Variants in DRC9 observed in about 807,000 individuals in gnomAD.
DRC9 encodes the protein dynein regulatory complex protein 9.
the DRC9 span, among the ~76,000 whole-genome samples, chr3:197,900,742 T>C: frequency 2.4e-4 from 37 of 151,402 alleles, no homozygotes; most frequent in Middle Eastern, 3.4e-3. The surrounding 1 kb of genome is among the most constrained non-coding windows in gnomAD (Gnocchi z 4.7). Flanking sequence ...GGGCAGAGGA[T>C]ACCAGCTCAG....
At chr3:197,925,917 C>T in the DRC9 span, 1 of 746,954 alleles carries the variant, frequency 1.3e-6, no homozygotes, top group Non-Finnish European at 2.4e-6. Flanking sequence ...CCGGAGGAAA[C>T]AACAATCTTT....
At chr3:197,944,525 T>C in the DRC9 span, among the ~76,000 whole-genome samples, 1 of 152,004 alleles carries the variant, frequency 6.6e-6, no homozygotes, top group South Asian at 2.1e-4. Flanking sequence ...CTTGGCTCAC[T>C]GCAAGCTCTG....
chr3:197,948,754 C>T, the DRC9 span, among the ~76,000 whole-genome samples: 1 of 152,214 alleles, frequency 6.6e-6, no homozygotes, highest in East Asian at 1.9e-4. Flanking sequence ...ACATCTATTT[C>T]ATACAACTTC....
the DRC9 span, among the ~76,000 whole-genome samples, chr3:197,940,587 G>A: frequency 2.6e-4 from 39 of 151,994 alleles, no homozygotes; most frequent in African/African-American, 9.2e-4. Context: ...TCCTCTCAAC[G>A]TTGTTAAAAG....
At chr3:197,954,976 A>G in the DRC9 span, among the ~76,000 whole-genome samples, 1 of 152,228 alleles carries the variant, frequency 6.6e-6, no homozygotes. Context: ...TGAAGAAAAC[A>G]GACTCTCATG....
At chr3:197,937,898 C>T in the DRC9 span, among the ~76,000 whole-genome samples, 1 of 152,216 alleles carries the variant, frequency 6.6e-6, no homozygotes, top group East Asian at 1.9e-4. Context: ...GTCAATAGCA[C>T]TGGCTTCCAG....
At chr3:197,935,272 C>G in the DRC9 span, among the ~76,000 whole-genome samples, 2 of 151,952 alleles carry the variant, frequency 1.3e-5, no homozygotes, top group South Asian at 4.1e-4. Flanking sequence ...GAAACCCTGT[C>G]TCTACTAAAA....
the DRC9 span, chr3:197,944,129 C>T: frequency 1.7e-5 from 21 of 1,258,828 alleles, no homozygotes; most frequent in Middle Eastern, 2.5e-4. Context: ...CAGGCAGCAA[C>T]GTGCTGGGCT....
chr3:197,913,618 TAAG>T, the DRC9 span: 1 of 582,054 alleles, frequency 1.7e-6, no homozygotes, highest in South Asian at 2.1e-5. Context: ...TTTGCCAAAA[TAAG>T]AAGTGACCAA....
At chr3:197,949,369 C>A in the DRC9 span, 1 of 152,236 alleles carries the variant, frequency 6.6e-6, no homozygotes, top group African/African-American at 2.4e-5. Context: ...TACGGAGGAC[C>A]TACTAGGTGC....
the DRC9 span, among the ~76,000 whole-genome samples, chr3:197,914,875 T>C: frequency 1.3e-5 from 2 of 151,734 alleles, no homozygotes; most frequent in Non-Finnish European, 2.9e-5. Context: ...ACATGAAAAA[T>C]AGGCTTGGCC....
chr3:197,930,457 G>A, the DRC9 span, among the ~76,000 whole-genome samples: 12 of 151,906 alleles, frequency 7.9e-5, no homozygotes, highest in East Asian at 1.9e-4. Context: ...GGTTACAGGC[G>A]TGATCCTAGC....
the DRC9 span, among the ~76,000 whole-genome samples, chr3:197,954,952 C>T: frequency 2.0e-5 from 3 of 152,164 alleles, no homozygotes; most frequent in Non-Finnish European, 4.4e-5. Flanking sequence ...GTGTTAGTAG[C>T]TTTATTTTGT....
At chr3:197,905,117 G>A in the DRC9 span, among the ~76,000 whole-genome samples, 1 of 152,084 alleles carries the variant, frequency 6.6e-6, no homozygotes, top group Non-Finnish European at 1.5e-5. Context: ...GTGTGGGGAT[G>A]GTTAATGTGT....
chr3:197,955,113 C>G, the DRC9 span, among the ~76,000 whole-genome samples: 1 of 151,984 alleles, frequency 6.6e-6, no homozygotes, highest in Non-Finnish European at 1.5e-5. Context: ...ACTGTATATT[C>G]TTGGGACCAA....
chr3:197,921,597 G>A, the DRC9 span, among the ~76,000 whole-genome samples: 10 of 152,124 alleles, frequency 6.6e-5, no homozygotes, highest in Admixed American at 5.9e-4. Context: ...GTAACTCTGC[G>A]GATTTAACCT....
chr3:197,946,217 C>T, the DRC9 span, among the ~76,000 whole-genome samples: 4 of 152,030 alleles, frequency 2.6e-5, no homozygotes, highest in African/African-American at 9.7e-5. Flanking sequence ...AGGCGGATCA[C>T]AAGGTCAGGA....
the DRC9 span, among the ~76,000 whole-genome samples, chr3:197,901,199 C>T: frequency 2.0e-5 from 3 of 152,224 alleles, no homozygotes; most frequent in Middle Eastern, 3.4e-3. This position sits in a 1 kb window ranked among gnomAD's most constrained non-coding sequence, Gnocchi z 4.4. Context: ...AGTGCAGTGG[C>T]ACGATCTTGG....
At chr3:197,897,868 T>C in the DRC9 span, among the ~76,000 whole-genome samples, 206 of 151,306 alleles carry the variant, frequency 1.4e-3, no homozygotes, top group Non-Finnish European at 2.6e-3. Context: ...CCTCCCGGGT[T>C]CATGCCATTC....
Sources: allele counts gnomAD v4.1 joint callset (sites outside exome capture counted in the v4.1 genomes callset), GRCh38; gene constraint gnomAD v4.1.1; non-coding constraint Gnocchi (gnomAD v3.1); transcripts MANE v1.5; gene names NCBI Gene and HGNC (gene_info 2026-07-23, HGNC 2026-07-21).